Variants in FOXO3B observed in about 807,000 individuals in gnomAD.
FOXO3B encodes forkhead box O3B, also known as forkhead box protein O3B.
In FOXO3B, 15 loss-of-function variants were observed where a neutral mutation model predicts 21.9. The observed-to-expected ratio is 0.68, with a 90% CI of 0.46 to 1.05. FOXO3B has a LOEUF of 1.05. Ranked by LOEUF, FOXO3B falls within the 50% of genes least tolerant of loss-of-function variation. The pLI is 0.00. For synonymous variants in FOXO3B, 135 were observed against 213.6 expected (o/e 0.63, Z 3.21); for missense variants, 293 against 435.5 (o/e 0.67, Z 2.91).
intron 3 of FOXO3B, 29 bp from the exon 4 acceptor site, chr17:18,673,084 A>G: frequency 6.8e-7 from 1 of 1,462,186 alleles, no homozygotes; most frequent in Non-Finnish European, 9.0e-7. Context: ...AGAGAGAAGG[A>G]GAGTTGGTTA....
rs1233458715 is a variant in FOXO3B, at chr17:18,672,694, G to A, written c.488C>T (p.Ala163Val). The change falls in exon 4 of 4, where the codon GCG becomes GTG. Residue 163 changes from alanine (A) to valine (V), a missense_variant. Transcript: ENST00000395675. This position sits in a 1 kb window ranked among gnomAD's most constrained non-coding sequence, Gnocchi z 4.2. Reference protein sequence around the residue: ...DGGGRAGSAMAIGGGGGSRTL... With the variant: ...DGGGRAGSAMVIGGGGGSRTL... ...GCGGCTCCCGCCGCCGCCGCCGATC[G>A]CCATGGCCGAGCCGGCCCGTCCCCC... 3 of 1,525,008 alleles carry A rather than the reference G, an allele frequency of 2.0e-6. No individual in the cohort carries two copies. The highest frequency in any genetic ancestry group is 1.8e-6 in the Non-Finnish European group (2 of 1,142,474). 94.5% of individuals were successfully genotyped at this position (1,525,008 alleles called of 1,614,324 possible).
In FOXO3B at chr17:18,670,358, C is replaced by T. The variant is rs1015701912; in HGVS notation, c.*1951G>A. 4.6e-5 allele frequency among the ~76,000 whole-genome samples: 7 copies of T among 152,298 alleles called. No homozygotes were observed. The highest frequency in any genetic ancestry group is 6.8e-3 in the Middle Eastern group (2 of 294). On this transcript the variant is annotated 3_prime_UTR_variant, in exon 4 of 4. Transcript: ENST00000395675. ...ATTTGTTAGTTTATGGAGTTCCATG[C>T]GCTCAAAAGCTTGTGATGCTCAAAC...
chr17:18,671,655 C>T lies in FOXO3B; in HGVS notation c.*654G>A. The T allele has an allele frequency of 1.9e-6, 3 of 1,613,968 alleles. No homozygotes were observed. The highest frequency in any genetic ancestry group is 2.5e-6 in the Non-Finnish European group (3 of 1,180,036). ...GCTGTTAAAGGAGCTGGTTGGGGAG[C>T]TCAGGCCCGAGCCCTTGGTGGTATA... On this transcript the variant is annotated 3_prime_UTR_variant, in exon 4 of 4. Transcript: ENST00000395675.
chr17:18,682,025 G>A (rs1186168749), intron 1 of FOXO3B, 179 bp from the exon 2 acceptor site: 1 of 602,204 alleles, frequency 1.7e-6, no homozygotes, highest in Middle Eastern at 4.4e-4. Context: ...CCCCGCCCGT[G>A]GCACAACCGC....
At position 18,671,828 on chromosome 17, in the gene FOXO3B, G is replaced by A; in HGVS notation, c.*481C>T. 6.3e-7 allele frequency: 1 copy of A among 1,590,232 alleles called. No homozygotes were observed. The highest frequency in any genetic ancestry group is 1.1e-5 in the South Asian group (1 of 90,564). On this transcript the variant is annotated 3_prime_UTR_variant, in exon 4 of 4. Transcript: ENST00000395675. ...GTGCCTGCCATGTCAGTCAGCCGTA[G>A]CAGTTCCACCGTGCACGGCTTGCTT...
At position 18,677,737 on chromosome 17, in the gene FOXO3B, A is replaced by G. The variant is rs1393000970; in HGVS notation, c.126+3004T>C. Reference sequence around the variant, plus strand: ...GCGGCCAAGAAAAAGACGGACAAGAAGCGGGCGCTACGGCGGCTGTAGTGG... The same window carrying G: ...GCGGCCAAGAAAAAGACGGACAAGAGGCGGGCGCTACGGCGGCTGTAGTGG... On this transcript the variant is annotated intron_variant, in intron 3 of 3. Transcript: ENST00000395675. 14 of 1,563,714 alleles carry G rather than the reference A, an allele frequency of 9.0e-6. 1 individual carries two copies. The highest frequency in any genetic ancestry group is 1.1e-5 in the Non-Finnish European group (13 of 1,149,516).
chr17:18,672,973 C>T lies in FOXO3B; in HGVS notation c.209G>A (p.Arg70Gln), dbSNP rs984679782. 20 of 1,488,140 alleles carry T rather than the reference C, an allele frequency of 1.3e-5. No homozygotes were observed. In the Admixed American group the frequency reaches 2.4e-4, roughly 18 times the overall value. 92.2% of individuals were successfully genotyped at this position (1,488,140 alleles called of 1,614,324 possible). ...VPPPLHPAPA[R>Q]EESARTPAAA... The stretch of plus-strand genomic sequence containing the variant: ...GGCTGGGGTTCTCGCGCTCTCCTCT[C>T]GCGCCGGGGCGGGGTGCAGCGGGGG... The change falls in exon 4 of 4, where the codon CGA becomes CAA. Residue 70 changes from arginine (R) to glutamine (Q), a missense_variant. Coordinates refer to ENST00000395675, the MANE Select transcript of FOXO3B (RefSeq NM_001368135.1). This position sits in a 1 kb window ranked among gnomAD's most constrained non-coding sequence, Gnocchi z 4.2.
intron 3 of FOXO3B, among the ~76,000 whole-genome samples, chr17:18,675,786 G>A (rs2151736111): frequency 6.6e-6 from 1 of 152,088 alleles, no homozygotes; most frequent in Admixed American, 6.5e-5. Flanking sequence ...GACAAAATTA[G>A]TTTTCCCATT....
chr17:18,674,430 C>T (rs1478634777), intron 3 of FOXO3B, among the ~76,000 whole-genome samples: 1 of 146,370 alleles, frequency 6.8e-6, no homozygotes, highest in Non-Finnish European at 1.5e-5. Context: ...TCGAGATCAT[C>T]CTGGCTAACA....
In FOXO3B at chr17:18,668,569, G is replaced by A. The variant is rs182030508; in HGVS notation, c.*3740C>T. 520 of 152,658 alleles carry A rather than the reference G, an allele frequency of 3.4e-3. 4 individuals carry two copies. Among genetic ancestry groups the A allele is most frequent in the Non-Finnish European group, 5.5e-3 (372 of 68,022 alleles). 9.5% of individuals were successfully genotyped at this position (152,658 alleles called of 1,614,324 possible). ...TTTCTCACTCCCAAAGCAGCTCCCT[G>A]GGTCTGTAAAACTGCAAAGGCAAGT... On this transcript the variant is annotated 3_prime_UTR_variant, in exon 4 of 4. Transcript: ENST00000395675.
intron 3 of FOXO3B, chr17:18,677,342 C>G: frequency 1.2e-6 from 2 of 1,613,354 alleles, no homozygotes; most frequent in South Asian, 2.2e-5. Flanking sequence ...CCAAGATCTT[C>G]CACCCGAACT....
rs1433075889 is a variant in FOXO3B, at chr17:18,669,735, T to C, written c.*2574A>G. Among the ~76,000 whole-genome samples, 2 of 152,228 alleles carry C rather than the reference T, an allele frequency of 1.3e-5. No individual in the cohort carries two copies. Among genetic ancestry groups the C allele is most frequent in the African/African-American group, 4.8e-5 (2 of 41,456 alleles). Reference sequence around the variant, plus strand: ...ATTTAAAAAATCAGTTTATATGCTATTGCCTCTCACTCATACACTTCTAGC... The same window carrying C: ...ATTTAAAAAATCAGTTTATATGCTACTGCCTCTCACTCATACACTTCTAGC... On this transcript the variant is annotated 3_prime_UTR_variant, in exon 4 of 4. Coordinates refer to ENST00000395675, the MANE Select transcript of FOXO3B (RefSeq NM_001368135.1).
intron 3 of FOXO3B, 97 bp from the exon 4 acceptor site, chr17:18,673,152 C>G (rs1205750619): frequency 1.6e-5 from 22 of 1,334,298 alleles, no homozygotes; most frequent in Non-Finnish European, 2.1e-5. Context: ...ACCTCCCAGT[C>G]TTGCCGCGCC....
intron 2 of FOXO3B, 107 bp downstream of exon 2, chr17:18,681,508 T>G (rs899450206): frequency 1.2e-6 from 1 of 826,958 alleles, no homozygotes; most frequent in Non-Finnish European, 2.0e-6. Context: ...CCCAAGACAA[T>G]GGAGACAGCC....
intron 3 of FOXO3B, among the ~76,000 whole-genome samples, chr17:18,675,275 G>A (rs963821426): frequency 1.3e-5 from 2 of 151,870 alleles, no homozygotes; most frequent in African/African-American, 4.8e-5. Context: ...GAAAAAAAAA[G>A]ATTATAAAAA....
At chr17:18,674,948 A>G (rs2032456609) in intron 3 of FOXO3B, among the ~76,000 whole-genome samples, 1 of 152,220 alleles carries the variant, frequency 6.6e-6, no homozygotes, top group Non-Finnish European at 1.5e-5. Flanking sequence ...CTTTCAGTTG[A>G]GGCCTGTACT....
Position 18,676,659 on chromosome 17 carries a change from C to T in FOXO3B, c.127-3604G>A, listed in dbSNP as rs144017217. On this transcript the variant is annotated intron_variant, in intron 3 of 3. Coordinates refer to ENST00000395675, the MANE Select transcript of FOXO3B (RefSeq NM_001368135.1). ...CACCAATTTCAAGATATAATGGTTACTTCTAGGGGAGAAAGAGAATAAAAG... is the reference window on the plus strand; with the variant it reads ...CACCAATTTCAAGATATAATGGTTATTTCTAGGGGAGAAAGAGAATAAAAG... 0.013 allele frequency among the ~76,000 whole-genome samples: 1,922 copies of T among 151,928 alleles called. 104 individuals carry two copies. The East Asian group carries it at 0.18, about 14-fold the overall frequency.
At position 18,668,398 on chromosome 17, in the gene FOXO3B, C is replaced by T. The variant is rs2032305764; in HGVS notation, c.*3911G>A. 3 of 152,604 alleles carry T rather than the reference C, an allele frequency of 2.0e-5. No homozygotes were observed. The South Asian group carries it at 6.2e-4, about 32-fold the overall frequency. 9.5% of individuals were successfully genotyped at this position (152,604 alleles called of 1,614,324 possible). On this transcript the variant is annotated 3_prime_UTR_variant, in exon 4 of 4. Transcript: ENST00000395675. The stretch of plus-strand genomic sequence containing the variant: ...TTCTCTGTCCCTTCCTCAGCTGTTT[C>T]GGATTAAATGATAATCTGGTTCTAG...
In FOXO3B at chr17:18,677,211, G is replaced by A. The variant is rs2032503619; in HGVS notation, c.126+3530C>T. The A allele has an allele frequency of 4.1e-6, 6 of 1,462,870 alleles. No individual in the cohort carries two copies. The South Asian group carries it at 5.1e-5, about 12-fold the overall frequency. The allele number at this position is 1,462,870 out of a possible 1,614,324, so 90.6% of individuals were successfully genotyped here. On this transcript the variant is annotated intron_variant, in intron 3 of 3. Transcript: ENST00000395675. ...ACCTCTTTGGCACTATCTACCAACA[G>A]TGAGTATGTATCTATCCTCTGATAA...
Sources: allele counts gnomAD v4.1 joint callset (sites outside exome capture counted in the v4.1 genomes callset), GRCh38; gene constraint gnomAD v4.1.1; non-coding constraint Gnocchi (gnomAD v3.1); transcripts MANE v1.5; gene names NCBI Gene and HGNC (gene_info 2026-07-23, HGNC 2026-07-21).